NTN4: variants seen among roughly 807,000 people sequenced by gnomAD.
NTN4 encodes the protein netrin 4.
A neutral mutation model predicts 73.6 loss-of-function variants in NTN4; 32 were observed. The ratio of observed to expected loss-of-function variants is 0.44; its 90% CI spans 0.33 to 0.58. The LOEUF (loss-of-function observed/expected upper bound fraction) is 0.58. Ranked by LOEUF, NTN4 falls within the 20% of genes least tolerant of loss-of-function variation. The pLI is 0.04. For synonymous variants in NTN4, 258 were observed against 287.5 expected, an observed-to-expected ratio of 0.90 and a Z score of 1.04; for missense variants, 654 against 798.3, an observed-to-expected ratio of 0.82 and a Z score of 2.18.
intron 9 of NTN4, among the ~76,000 whole-genome samples, chr12:95,663,207 A>G (rs976221203): frequency 2.0e-5 from 3 of 152,242 alleles, no homozygotes; most frequent in African/African-American, 7.2e-5. Flanking sequence ...CAAATAGAAT[A>G]AACAGGAATT....
intron 7 of NTN4, among the ~76,000 whole-genome samples, chr12:95,670,821 TA>T (rs1282224564): frequency 1.7e-5 from 2 of 120,348 alleles, no homozygotes; most frequent in Non-Finnish European, 3.4e-5. Context: ...AAGAAGGATT[TA>T]AAAGGGACTT....
At chr12:95,785,986 T>A (rs559340639) in intron 2 of NTN4, among the ~76,000 whole-genome samples, 1 of 152,112 alleles carries the variant, frequency 6.6e-6, no homozygotes, top group Admixed American at 6.6e-5. Context: ...TAGATGCCAG[T>A]GGTGTTCCTC....
intron 8 of NTN4, among the ~76,000 whole-genome samples, chr12:95,667,304 C>T (rs191474054): frequency 6.6e-6 from 1 of 151,752 alleles, no homozygotes; most frequent in Admixed American, 6.6e-5. Context: ...ATTCTTCCTG[C>T]CTCAGCCTCC....
At position 95,751,053 on chromosome 12, in the gene NTN4, A is replaced by T. The variant is rs548455738; in HGVS notation, c.586-12909T>A. 9.2e-5 allele frequency among the ~76,000 whole-genome samples: 14 copies of T among 152,324 alleles called. No individual in the cohort carries two copies. The East Asian group carries it at 2.5e-3, about 27-fold the overall frequency. ...CCAGTTCATGGCTCGTTTGGCAGCAACCCTGAGACGCTTTACAGCCCTGGA... is the reference window on the plus strand; with the variant it reads ...CCAGTTCATGGCTCGTTTGGCAGCATCCCTGAGACGCTTTACAGCCCTGGA... On this transcript the variant is annotated intron_variant, in intron 2 of 9. Transcript: ENST00000343702.
chr12:95,666,905 A>G (rs2078184825), intron 8 of NTN4, among the ~76,000 whole-genome samples: 1 of 151,786 alleles, frequency 6.6e-6, no homozygotes, highest in African/African-American at 2.4e-5. Flanking sequence ...CACATAAAGT[A>G]CACTAACACT....
At chr12:95,732,395 T>TA in intron 3 of NTN4, among the ~76,000 whole-genome samples, 1 of 121,578 alleles carries the variant, frequency 8.2e-6, no homozygotes, top group South Asian at 2.9e-4. Context: ...TCTTTCTTCC[T>TA]CTTTTTTTTT....
chr12:95,767,667 CT>C (rs1314107475), intron 2 of NTN4, among the ~76,000 whole-genome samples: 1 of 152,168 alleles, frequency 6.6e-6, no homozygotes, highest in African/African-American at 2.4e-5. Context: ...AAGAGCCCAG[CT>C]GGGAGCATAA....
intron 2 of NTN4, among the ~76,000 whole-genome samples, chr12:95,769,215 G>A (rs2079039356): frequency 6.6e-6 from 1 of 152,146 alleles, no homozygotes; most frequent in African/African-American, 2.4e-5. Flanking sequence ...AGCCGAAGGA[G>A]CAAGAAGGTA....
chr12:95,711,741 T>C (rs1454874142), intron 4 of NTN4, among the ~76,000 whole-genome samples: 1 of 152,210 alleles, frequency 6.6e-6, no homozygotes, highest in Non-Finnish European at 1.5e-5. Flanking sequence ...GTGACATGTC[T>C]CTGTGTTCTA....
rs573924486 is a variant in NTN4, at chr12:95,694,106, C to T, written c.1181-10395G>A. Among the ~76,000 whole-genome samples the T allele has an allele frequency of 3.3e-5, 5 of 152,266 alleles. No homozygotes were observed. In the South Asian group the frequency reaches 1.0e-3, roughly 32 times the overall value. On this transcript the variant is annotated intron_variant, in intron 5 of 9. Coordinates refer to ENST00000343702, the MANE Select transcript of NTN4 (RefSeq NM_021229.4). ...ATCTTAAGCTCATTGTTGAAACCAC[C>T]AATGGAATTCAGCATCTTACCGCTC...
At chr12:95,718,629 A>C (rs2078625098) in intron 3 of NTN4, among the ~76,000 whole-genome samples, 1 of 135,946 alleles carries the variant, frequency 7.4e-6, no homozygotes, top group Non-Finnish European at 1.7e-5. Flanking sequence ...AATGCAGAAC[A>C]TTCCTGGAAT....
intron 7 of NTN4, 21 bp downstream of exon 7, chr12:95,682,686 G>A (rs1036822108): frequency 1.3e-6 from 2 of 1,516,138 alleles, no homozygotes; most frequent in East Asian, 2.3e-5. Context: ...AAAATATGAT[G>A]CCTGGTTACA....
chr12:95,718,782 A>T (rs912194512), intron 3 of NTN4, among the ~76,000 whole-genome samples: 3 of 152,200 alleles, frequency 2.0e-5, no homozygotes, highest in African/African-American at 7.2e-5. Context: ...GACTATACTT[A>T]AATGAAAATA....
At chr12:95,747,117 G>T (rs1162260019) in intron 2 of NTN4, among the ~76,000 whole-genome samples, 1 of 152,064 alleles carries the variant, frequency 6.6e-6, no homozygotes, top group East Asian at 1.9e-4. Flanking sequence ...AAAGTTAGAA[G>T]TATAGTTATA....
At chr12:95,670,004 C>T (rs1393253239) in intron 8 of NTN4, 74 bp downstream of exon 8, 2 of 792,472 alleles carry the variant, frequency 2.5e-6, no homozygotes, top group East Asian at 5.1e-5. Context: ...TCAGTCAGGC[C>T]TCCCATTTTC....
chr12:95,775,616 C>T (rs748621624), intron 2 of NTN4, among the ~76,000 whole-genome samples: 29 of 152,234 alleles, frequency 1.9e-4, no homozygotes, highest in Admixed American at 4.6e-4. Flanking sequence ...AACTGCAAGG[C>T]GGCAGCCAGG....
intron 5 of NTN4, among the ~76,000 whole-genome samples, chr12:95,697,052 G>A (rs918103547): frequency 2.0e-5 from 3 of 152,038 alleles, no homozygotes; most frequent in Admixed American, 6.6e-5. Flanking sequence ...GCATGTGCAT[G>A]TAGTCCCAAC....
chr12:95,761,613 G>A (rs960177778), intron 2 of NTN4, among the ~76,000 whole-genome samples: 18 of 152,114 alleles, frequency 1.2e-4, no homozygotes, highest in Admixed American at 5.2e-4. Flanking sequence ...AATTACAGGC[G>A]TGAGCCACCG....
intron 2 of NTN4, among the ~76,000 whole-genome samples, chr12:95,780,781 C>T (rs989339340): frequency 1.3e-5 from 2 of 152,178 alleles, no homozygotes; most frequent in African/African-American, 2.4e-5. Flanking sequence ...TACCATTTGA[C>T]CCAGCCATCC....
Sources: allele counts gnomAD v4.1 joint callset (sites outside exome capture counted in the v4.1 genomes callset), GRCh38; gene constraint gnomAD v4.1.1; transcripts MANE v1.5; gene names NCBI Gene and HGNC (gene_info 2026-07-23, HGNC 2026-07-21).